PRKG1: variants seen among roughly 807,000 people sequenced by gnomAD.
PRKG1 encodes the protein protein kinase cGMP-dependent 1.
Under a neutral mutation model 88.1 loss-of-function variants are expected in PRKG1, and 35 were observed. The observed-to-expected ratio is 0.40, with a 90% CI of 0.30 to 0.53. PRKG1 has a LOEUF of 0.53. Among genes scored for constraint, PRKG1 ranks in the 20% least tolerant of loss-of-function variants. PRKG1 has a pLI of 0.59. For synonymous variants in PRKG1, 303 were observed against 292.5 expected (o/e 1.04, Z -0.37); for missense variants, 540 against 839.8 (o/e 0.64, Z 4.41).
intron 10 of PRKG1, 124 bp from the exon 11 acceptor site, chr10:52,271,226 G>C (rs1048582674): frequency 1.1e-6 from 1 of 938,026 alleles, no homozygotes; most frequent in Non-Finnish European, 1.5e-6. Context: ...AGGATTTACT[G>C]TGTTTTGACT....
chr10:52,081,859 A>G (rs897126998), intron 7 of PRKG1, among the ~76,000 whole-genome samples: 2 of 85,398 alleles, frequency 2.3e-5, no homozygotes, highest in African/African-American at 9.5e-5. Flanking sequence ...TGAGAGAAGA[A>G]TGTTTCTTGT....
In PRKG1 at chr10:52,294,120, TG is replaced by T; in HGVS notation, c.*222del. 1 of 442,960 alleles carries T rather than the reference TG, an allele frequency of 2.3e-6. No individual in the cohort carries two copies. Among genetic ancestry groups the T allele is most frequent in the Non-Finnish European group, 4.0e-6 (1 of 250,718 alleles). 27.4% of individuals were successfully genotyped at this position (442,960 alleles called of 1,614,324 possible). ...TTTGAACCTAAAATAGCAGTTGACA[TG>T]GTGGTCCTGAAGCAAAGCCTTTCAC... On this transcript the variant is annotated 3_prime_UTR_variant, in exon 18 of 18. Coordinates refer to ENST00000373980, the MANE Select transcript of PRKG1 (RefSeq NM_006258.4).
chr10:51,843,093 C>CTTTTTTTTT lies in PRKG1; in HGVS notation c.698+38418_698+38426dup, dbSNP rs1167219822. ...TTTATTTAAATTTAGGAAAATTATT[C>CTTTTTTTTT]TTTTTTTTTTTTTTTTTTTTTTTGA... is the stretch of plus-strand genomic sequence containing the variant. On this transcript the variant is annotated intron_variant, in intron 4 of 17. Coordinates refer to ENST00000373980, the MANE Select transcript of PRKG1 (RefSeq NM_006258.4). Among the ~76,000 whole-genome samples, 373 of 87,868 alleles carry CTTTTTTTTT rather than the reference C, an allele frequency of 4.2e-3. 3 individuals carry two copies. Among genetic ancestry groups the CTTTTTTTTT allele is most frequent in the Middle Eastern group, 9.8e-3 (1 of 102 alleles). The allele number at this position is 87,868 out of a possible 152,430, so 57.6% of individuals were successfully genotyped here.
intron 9 of PRKG1, among the ~76,000 whole-genome samples, chr10:52,239,334 A>G (rs1166223153): frequency 1.3e-5 from 1 of 79,922 alleles, no homozygotes; most frequent in Non-Finnish European, 2.7e-5. Context: ...AAAAAAATAA[A>G]TAAATAAAAT....
At chr10:52,281,069 C>A in intron 13 of PRKG1, 139 bp downstream of exon 13, 1 of 994,910 alleles carries the variant, frequency 1.0e-6, no homozygotes, top group Non-Finnish European at 1.4e-6. Flanking sequence ...TAGCATTACA[C>A]TTTTCAACTG....
At chr10:52,083,916 CTT>C (rs957114162) in intron 7 of PRKG1, among the ~76,000 whole-genome samples, 15 of 151,976 alleles carry the variant, frequency 9.9e-5, no homozygotes, top group African/African-American at 3.6e-4. Context: ...AAAACGAAAT[CTT>C]TTGTGGCTTA....
intron 7 of PRKG1, among the ~76,000 whole-genome samples, chr10:52,082,028 A>G (rs915656526): frequency 1.3e-5 from 2 of 152,170 alleles, no homozygotes; most frequent in Non-Finnish European, 2.9e-5. Flanking sequence ...CTGCGTGGCT[A>G]GGGAAGCCTC....
At chr10:51,464,997 T>C (rs907379298) in intron 2 of PRKG1, among the ~76,000 whole-genome samples, 1 of 152,004 alleles carries the variant, frequency 6.6e-6, no homozygotes, top group Non-Finnish European at 1.5e-5. Context: ...CTGGCTGTAA[T>C]GCCATATGAA....
chr10:51,938,775 T>C (rs1474487171), intron 5 of PRKG1, among the ~76,000 whole-genome samples: 3 of 152,002 alleles, frequency 2.0e-5, no homozygotes, highest in African/African-American at 7.2e-5. Context: ...ATTTCCCTTC[T>C]AGATATATGA....
At chr10:51,700,204 T>A (rs985965544) in intron 3 of PRKG1, among the ~76,000 whole-genome samples, 10 of 152,222 alleles carry the variant, frequency 6.6e-5, no homozygotes, top group Non-Finnish European at 1.2e-4. Context: ...GTGTGCCGGC[T>A]GGGCCCTGCC....
chr10:51,830,694 TG>T (rs1177208210), intron 4 of PRKG1, among the ~76,000 whole-genome samples: 2 of 151,538 alleles, frequency 1.3e-5, no homozygotes, highest in Non-Finnish European at 2.9e-5. Flanking sequence ...CCTGAGTAGC[TG>T]GGATTACAGG....
intron 8 of PRKG1, among the ~76,000 whole-genome samples, chr10:52,145,879 T>TC (rs1837715462): frequency 6.6e-6 from 1 of 152,224 alleles, no homozygotes; most frequent in Admixed American, 6.5e-5. Context: ...GAAACTTCAT[T>TC]CCCAGACAGC....
Position 52,062,578 on chromosome 10 carries a change from C to A in PRKG1, c.882C>A (p.Val294=), listed in dbSNP as rs1554798558. ...AAGACTCACCGAGTGAAGACCCAGTCTTTCTTAGAACTTTAGGAAAAGGAG... is the reference window on the plus strand; with the variant it reads ...AAGACTCACCGAGTGAAGACCCAGTATTTCTTAGAACTTTAGGAAAAGGAG... The part of the protein sequence containing the change: ...TREDSPSEDP[V]FLRTLGKGDW... The change falls in exon 7 of 18, where the codon GTC becomes GTA. Residue 294 remains valine, a synonymous_variant. Coordinates refer to ENST00000373980, the MANE Select transcript of PRKG1 (RefSeq NM_006258.4). 1.2e-6 allele frequency: 2 copies of A among 1,608,332 alleles called. No homozygotes were observed. Among genetic ancestry groups the A allele is most frequent in the South Asian group, 2.2e-5 (2 of 89,782 alleles).
chr10:52,156,626 A>C (rs568308276), intron 8 of PRKG1, among the ~76,000 whole-genome samples: 1 of 151,922 alleles, frequency 6.6e-6, no homozygotes, highest in East Asian at 1.9e-4. Context: ...ATATATTCAC[A>C]TGATAGTTGA....
chr10:52,202,337 T>C (rs1014969206), intron 9 of PRKG1, among the ~76,000 whole-genome samples: 1 of 152,232 alleles, frequency 6.6e-6, no homozygotes, highest in Non-Finnish European at 1.5e-5. Context: ...ACTTATGTGA[T>C]GAATCACATT....
intron 3 of PRKG1, among the ~76,000 whole-genome samples, chr10:51,782,752 TC>T (rs920999616): frequency 1.2e-4 from 18 of 152,136 alleles, no homozygotes; most frequent in African/African-American, 4.1e-4. Flanking sequence ...CCCCATTCTG[TC>T]TTTGCCTGCT....
At chr10:51,702,087 A>C (rs1016919950) in intron 3 of PRKG1, among the ~76,000 whole-genome samples, 6 of 152,176 alleles carry the variant, frequency 3.9e-5, no homozygotes, top group African/African-American at 1.4e-4. Context: ...AACATTATGA[A>C]TTTACTATTA....
intron 3 of PRKG1, among the ~76,000 whole-genome samples, chr10:51,669,157 T>C (rs1483618191): frequency 6.6e-6 from 1 of 152,226 alleles, no homozygotes. Context: ...TCAGCTGCTT[T>C]AACAAAATAT....
chr10:51,772,694 A>T (rs1449440739), intron 3 of PRKG1, among the ~76,000 whole-genome samples: 3 of 152,022 alleles, frequency 2.0e-5, no homozygotes, highest in Admixed American at 1.3e-4. Flanking sequence ...TTTTTCTTAA[A>T]AACATAATTA....
Sources: gnomAD v4.1 joint callset for allele counts (sites outside exome capture counted in the v4.1 genomes callset) on GRCh38, gnomAD v4.1.1 for gene constraint, MANE v1.5 for transcripts, NCBI Gene and HGNC (gene_info 2026-07-23, HGNC 2026-07-21) for gene names.